The following CHST15 variants were observed in gnomAD, a reference collection of about 807,000 sequenced individuals.
CHST15 encodes the protein carbohydrate sulfotransferase 15.
Under a neutral mutation model 53.6 loss-of-function variants are expected in CHST15, and 30 were observed. That is an observed-to-expected ratio of 0.56 (90% CI 0.42 to 0.76). CHST15 has a LOEUF of 0.76. CHST15 is among the 30% of genes least tolerant of loss of function. The pLI is 0.00. For synonymous variants in CHST15, 296 were observed against 289.8 expected (o/e 1.02, Z -0.22); for missense variants, 627 against 740.5 (o/e 0.85, Z 1.78).
chr10:124,046,763 T>C (rs1414761401), intron 1 of CHST15, 39 bp from the exon 2 acceptor site: 2 of 152,314 alleles, frequency 1.3e-5, no homozygotes, highest in Non-Finnish European at 2.9e-5. Context: ...CATTGTGTGG[T>C]AATAGCAATA....
In CHST15 at chr10:124,052,256, T is replaced by C. The variant is rs563611723; in HGVS notation, c.-512-5532A>G. Among the ~76,000 whole-genome samples, 11 of 152,326 alleles carry C rather than the reference T, an allele frequency of 7.2e-5. No homozygotes were observed. The East Asian group carries it at 1.9e-3, about 27-fold the overall frequency. On this transcript the variant is annotated intron_variant, in intron 1 of 7. Transcript: ENST00000435907. Reference sequence around the variant, plus strand: ...ACATTTTTCACATGTAGCTCTAAGATAGAAGGTTGTTGCTGAGACTGAGAA... The same window carrying C: ...ACATTTTTCACATGTAGCTCTAAGACAGAAGGTTGTTGCTGAGACTGAGAA...
rs1946566383 is a variant in CHST15 at position 124,015,775 on chromosome 10, C to T, written c.1348-3295G>A. 2.6e-5 allele frequency among the ~76,000 whole-genome samples: 4 copies of T among 152,204 alleles called. No individual in the cohort carries two copies. The South Asian group carries it at 8.3e-4, about 31-fold the overall frequency. ...GCTGCAATCTCATGGAGACAGAGCT[C>T]AACTGGTAAAGAAACAGACTTCCGC... is the stretch of plus-strand genomic sequence containing the variant. On this transcript the variant is annotated intron_variant, in intron 6 of 7. Coordinates refer to ENST00000435907, the MANE Select transcript of CHST15 (RefSeq NM_001270764.2).
intron 1 of CHST15, among the ~76,000 whole-genome samples, chr10:124,051,340 G>A (rs1948188679): frequency 6.6e-6 from 1 of 152,128 alleles, no homozygotes; most frequent in African/African-American, 2.4e-5. Context: ...ACTCAGGGAA[G>A]AAAAATCCAA....
At chr10:124,027,509 T>C (rs960421930) in intron 5 of CHST15, among the ~76,000 whole-genome samples, 8 of 152,158 alleles carry the variant, frequency 5.3e-5, no homozygotes, top group Admixed American at 4.6e-4. Context: ...CGAGCAGAGG[T>C]TGGTGAGTTG....
intron 1 of CHST15, among the ~76,000 whole-genome samples, chr10:124,047,438 A>T (rs1199618912): frequency 6.6e-6 from 1 of 152,258 alleles, no homozygotes; most frequent in African/African-American, 2.4e-5. Flanking sequence ...CACTTTCATC[A>T]TCTCGAGCAA....
At chr10:124,055,693 T>G (rs1198815844) in intron 1 of CHST15, among the ~76,000 whole-genome samples, 1 of 152,006 alleles carries the variant, frequency 6.6e-6, no homozygotes, top group Non-Finnish European at 1.5e-5. Flanking sequence ...GTGGGGAAAA[T>G]TCTGGAAAAG....
chr10:124,054,235 A>T (rs367576251), intron 1 of CHST15, among the ~76,000 whole-genome samples: 7 of 152,186 alleles, frequency 4.6e-5, no homozygotes, highest in African/African-American at 1.7e-4. Flanking sequence ...GGGACACATC[A>T]CCCGTGCTTT....
At chr10:124,055,712 C>T (rs909035904) in intron 1 of CHST15, among the ~76,000 whole-genome samples, 9 of 152,188 alleles carry the variant, frequency 5.9e-5, no homozygotes, top group Admixed American at 1.3e-4. Context: ...AGCTCACCCC[C>T]CTCCAAATGA....
intron 2 of CHST15, among the ~76,000 whole-genome samples, chr10:124,045,121 A>AAAC (rs755334018): frequency 0.073 from 6,381 of 87,010 alleles, 243 homozygotes; most frequent in Non-Finnish European, 0.086. Flanking sequence ...ACAAAAAAAA[A>AAAC]AAAAAAAAAA....
chr10:124,011,894 G>T (rs1237758766), intron 7 of CHST15: 3 of 976,872 alleles, frequency 3.1e-6, no homozygotes, highest in Non-Finnish European at 3.6e-6. Context: ...GCCCCCCGGT[G>T]ACATCCTGTT....
At chr10:124,017,188 C>T (rs1223743939) in intron 6 of CHST15, among the ~76,000 whole-genome samples, 1 of 152,192 alleles carries the variant, frequency 6.6e-6, no homozygotes, top group Admixed American at 6.5e-5. Flanking sequence ...GAGTTCCCCC[C>T]TGCCCTGCCT....
intron 1 of CHST15, among the ~76,000 whole-genome samples, chr10:124,082,598 C>A (rs1949282139): frequency 6.6e-6 from 1 of 152,176 alleles, no homozygotes; most frequent in Non-Finnish European, 1.5e-5. Context: ...CATGTCCACA[C>A]CCAAAGAAGC....
At chr10:124,032,362 C>G (rs960389504) in intron 5 of CHST15, among the ~76,000 whole-genome samples, 3 of 152,146 alleles carry the variant, frequency 2.0e-5, no homozygotes, top group African/African-American at 7.2e-5. Context: ...AATCAAACCC[C>G]AAACATAGAC....
Position 124,007,964 on chromosome 10 carries a change from G to A in CHST15, c.*2185C>T. 8.3e-7 allele frequency: 1 copy of A among 1,206,404 alleles called. No individual in the cohort carries two copies. Among genetic ancestry groups the A allele is most frequent in the Non-Finnish European group, 1.0e-6 (1 of 981,458 alleles). The allele number at this position is 1,206,404 out of a possible 1,614,324, so 74.7% of individuals were successfully genotyped here. ...CGGGCCTCGAATGAGAGGAAGCAGA[G>A]GCAGCCGAAGTGCCCTCTGGAGAGA... On this transcript the variant is annotated 3_prime_UTR_variant, in exon 8 of 8. Coordinates refer to ENST00000435907, the MANE Select transcript of CHST15 (RefSeq NM_001270764.2).
intron 1 of CHST15, among the ~76,000 whole-genome samples, chr10:124,050,545 C>A (rs1178746666): frequency 1.3e-5 from 2 of 152,276 alleles, no homozygotes; most frequent in South Asian, 2.1e-4. Flanking sequence ...TGCCATAGCA[C>A]CCCTTCCCCT....
intron 6 of CHST15, chr10:124,020,082 G>A (rs1408443995): frequency 1.5e-5 from 15 of 985,632 alleles, no homozygotes; most frequent in African/African-American, 1.7e-5. Flanking sequence ...CAGCTGCACA[G>A]GAAGGCAAGG....
At chr10:124,083,351 G>A (rs913562386) in intron 1 of CHST15, among the ~76,000 whole-genome samples, 4 of 152,140 alleles carry the variant, frequency 2.6e-5, no homozygotes, top group Non-Finnish European at 4.4e-5. Context: ...TTTAAGGGCC[G>A]AAAGCAAATT....
At chr10:124,028,627 T>A (rs905948823) in intron 5 of CHST15, among the ~76,000 whole-genome samples, 7 of 152,210 alleles carry the variant, frequency 4.6e-5, no homozygotes, top group Non-Finnish European at 8.8e-5. Flanking sequence ...CCACAGGGAC[T>A]CATGTCAGAA....
intron 7 of CHST15, chr10:124,011,068 C>T (rs1421032719): frequency 3.1e-6 from 3 of 983,292 alleles, no homozygotes; most frequent in Non-Finnish European, 2.4e-6. Flanking sequence ...TGGAAAAGGC[C>T]GGGAGGGGCT....
Sources: allele counts gnomAD v4.1 joint callset (sites outside exome capture counted in the v4.1 genomes callset), GRCh38; gene constraint gnomAD v4.1.1; transcripts MANE v1.5; gene names NCBI Gene and HGNC (gene_info 2026-07-23, HGNC 2026-07-21).